The following TMEM178B variants were observed in gnomAD, a reference collection of about 807,000 sequenced individuals.
TMEM178B encodes the protein transmembrane protein 178B.
TMEM178B carries 5 observed loss-of-function variants against 31.0 expected under a neutral mutation model. That is an observed-to-expected ratio of 0.16 (90% confidence interval 0.08 to 0.34). The LOEUF is 0.34. Ranked by LOEUF, TMEM178B falls within the 10% of genes least tolerant of loss-of-function variation. The pLI, the probability that TMEM178B is intolerant of heterozygous loss-of-function variation, is 1.00. For synonymous variants in TMEM178B, 164 were observed against 164.0 expected (o/e 1.00, Z 0.00); for missense variants, 275 against 400.3 (o/e 0.69, Z 2.67).
intron 1 of TMEM178B, among the ~76,000 whole-genome samples, chr7:141,172,852 T>C (rs1796370068): frequency 6.6e-6 from 1 of 152,226 alleles, no homozygotes; most frequent in Non-Finnish European, 1.5e-5. Flanking sequence ...TAAATCCTGA[T>C]TAAATTATTC....
the TMEM178B span, among the ~76,000 whole-genome samples, chr7:141,508,278 C>T: frequency 1.3e-5 from 2 of 152,178 alleles, no homozygotes; most frequent in African/African-American, 4.8e-5. Flanking sequence ...CAAGAGTCAC[C>T]TTTACTCCAG....
chr7:141,485,200 C>T (rs1455243612), downstream of TMEM178B, among the ~76,000 whole-genome samples: 1 of 152,150 alleles, frequency 6.6e-6, no homozygotes, highest in African/African-American at 2.4e-5. Flanking sequence ...ACCATGTGAC[C>T]AAGTAGATCT....
chr7:141,367,269 CT>C (rs111450654), intron 2 of TMEM178B, among the ~76,000 whole-genome samples: 156 of 146,314 alleles, frequency 1.1e-3, no homozygotes, highest in Admixed American at 2.0e-3. Context: ...CAGCAATTAC[CT>C]TTTTTTTTTT....
chr7:141,353,094 C>T (rs993611239), intron 2 of TMEM178B, among the ~76,000 whole-genome samples: 2 of 152,026 alleles, frequency 1.3e-5, no homozygotes, highest in African/African-American at 2.4e-5. Flanking sequence ...GCATCCCTTC[C>T]ACCACCACCT....
intron 1 of TMEM178B, among the ~76,000 whole-genome samples, chr7:141,091,792 A>T (rs901581967): frequency 1.3e-4 from 20 of 152,198 alleles, no homozygotes; most frequent in African/African-American, 4.8e-4. Context: ...CAGCAGCGTG[A>T]TCTCGGCTCA....
chr7:141,371,809 C>A (rs1367100833), intron 2 of TMEM178B, among the ~76,000 whole-genome samples: 1 of 152,192 alleles, frequency 6.6e-6, no homozygotes, highest in African/African-American at 2.4e-5. Flanking sequence ...AACCTCTCCT[C>A]CCCTTCTCCT....
At chr7:141,277,199 A>C (rs1459766561) in intron 2 of TMEM178B, among the ~76,000 whole-genome samples, 2 of 152,256 alleles carry the variant, frequency 1.3e-5, no homozygotes, top group African/African-American at 4.8e-5. Context: ...CTGTTTTGTA[A>C]TAACACTAGC....
At chr7:141,270,102 C>A (rs1325717815) in intron 2 of TMEM178B, among the ~76,000 whole-genome samples, 2 of 151,966 alleles carry the variant, frequency 1.3e-5, no homozygotes, top group South Asian at 2.1e-4. Context: ...AAAAAAAACA[C>A]AACAAAAGCA....
At chr7:141,326,300 A>G (rs1191104015) in intron 2 of TMEM178B, among the ~76,000 whole-genome samples, 1 of 152,232 alleles carries the variant, frequency 6.6e-6, no homozygotes, top group Non-Finnish European at 1.5e-5. Context: ...AGAGAAACAT[A>G]ATAAAAGAAA....
chr7:141,270,273 A>G (rs975093384), intron 2 of TMEM178B, among the ~76,000 whole-genome samples: 1 of 152,136 alleles, frequency 6.6e-6, no homozygotes, highest in African/African-American at 2.4e-5. Flanking sequence ...CAGACAGTCT[A>G]CAGCTTTGGG....
intron 2 of TMEM178B, among the ~76,000 whole-genome samples, chr7:141,297,425 T>A (rs970267168): frequency 6.6e-6 from 1 of 152,186 alleles, no homozygotes; most frequent in Admixed American, 6.5e-5. Flanking sequence ...GTTACATATG[T>A]ATACATGTGC....
intron 3 of TMEM178B, among the ~76,000 whole-genome samples, chr7:141,442,378 C>A (rs1336680073): frequency 1.3e-5 from 2 of 152,170 alleles, no homozygotes; most frequent in Non-Finnish European, 2.9e-5. Context: ...CTTCACAGAG[C>A]AGTTAGCATA....
chr7:141,288,709 C>A (rs1206962499), intron 2 of TMEM178B, among the ~76,000 whole-genome samples: 1 of 152,114 alleles, frequency 6.6e-6, no homozygotes, highest in Admixed American at 6.5e-5. Flanking sequence ...AGCTCCAGTG[C>A]GGTTGTCCGA....
intron 2 of TMEM178B, among the ~76,000 whole-genome samples, chr7:141,384,896 A>AT (rs894167594): frequency 4.6e-5 from 7 of 152,116 alleles, no homozygotes; most frequent in African/African-American, 1.7e-4. Flanking sequence ...CTGATCTAGT[A>AT]TTTTGATATT....
chr7:141,211,409 A>G (rs950349354), intron 1 of TMEM178B, among the ~76,000 whole-genome samples: 3 of 152,236 alleles, frequency 2.0e-5, no homozygotes, highest in South Asian at 4.1e-4. Flanking sequence ...CACTTCACCA[A>G]TTGCAGGTTC....
In TMEM178B at chr7:141,349,881, G is replaced by A. The variant is rs577582831; in HGVS notation, c.497-87727G>A. ...GCCTCATGGAGAAGGCAGCCCCCTC[G>A]TTGTTTATTTACTGAGTTCTCACTA... On this transcript the variant is annotated intron_variant, in intron 2 of 3. Transcript: ENST00000565468. 2.4e-4 allele frequency among the ~76,000 whole-genome samples: 37 copies of A among 152,190 alleles called. No individual in the cohort carries two copies. The South Asian group carries it at 6.2e-3, about 26-fold the overall frequency.
At chr7:141,237,890 G>T (rs1266656214) in intron 2 of TMEM178B, among the ~76,000 whole-genome samples, 1 of 152,022 alleles carries the variant, frequency 6.6e-6, no homozygotes, top group Non-Finnish European at 1.5e-5. Context: ...GGGCATGCTG[G>T]CACATGCCTG....
chr7:141,230,449 A>G (rs1204246277), intron 2 of TMEM178B, among the ~76,000 whole-genome samples: 2 of 152,184 alleles, frequency 1.3e-5, no homozygotes, highest in Non-Finnish European at 2.9e-5. Flanking sequence ...GTTATCAGCC[A>G]CTTGTACTTC....
chr7:141,263,037 T>A (rs1563135133), intron 2 of TMEM178B, among the ~76,000 whole-genome samples: 1 of 152,194 alleles, frequency 6.6e-6, no homozygotes, highest in Non-Finnish European at 1.5e-5. Context: ...ATTTTCCCCA[T>A]GAGCCTTGAC....
Sources: allele counts gnomAD v4.1 joint callset (sites outside exome capture counted in the v4.1 genomes callset), GRCh38; gene constraint gnomAD v4.1.1; transcripts MANE v1.5; gene names NCBI Gene and HGNC (gene_info 2026-07-23, HGNC 2026-07-21).